DYNC1I1: variants seen among roughly 807,000 people sequenced by gnomAD.
DYNC1I1 encodes the protein cytoplasmic dynein 1 intermediate chain 1.
DYNC1I1 carries 43 observed loss-of-function variants against 86.6 expected under a neutral mutation model. That is an observed-to-expected ratio of 0.50 (90% confidence interval 0.39 to 0.64). DYNC1I1 has a LOEUF of 0.64. DYNC1I1 is among the 30% of genes least tolerant of loss of function. The pLI is 0.00. For synonymous variants in DYNC1I1, 262 were observed against 283.7 expected (o/e 0.92, Z 0.77); for missense variants, 604 against 788.8 (o/e 0.77, Z 2.81).
intron 6 of DYNC1I1, among the ~76,000 whole-genome samples, chr7:95,896,475 C>T (rs944269968): frequency 1.3e-5 from 2 of 152,168 alleles, no homozygotes; most frequent in African/African-American, 2.4e-5. Context: ...CATTGAATCC[C>T]CTCAGCAACT....
At chr7:95,900,943 GA>G (rs1183072673) in intron 6 of DYNC1I1, among the ~76,000 whole-genome samples, 1 of 152,114 alleles carries the variant, frequency 6.6e-6, no homozygotes, top group East Asian at 1.9e-4. Flanking sequence ...AATGGAATAA[GA>G]AGAAAATATT....
intron 14 of DYNC1I1, among the ~76,000 whole-genome samples, chr7:96,046,391 A>G (rs1789216351): frequency 6.6e-6 from 1 of 152,222 alleles, no homozygotes; most frequent in Non-Finnish European, 1.5e-5. Context: ...AGGTCATACT[A>G]TGTACTAGGC....
At chr7:95,869,834 T>C in intron 5 of DYNC1I1, 49 bp from the exon 6 acceptor site, 1 of 1,542,462 alleles carries the variant, frequency 6.5e-7, no homozygotes, top group African/African-American at 1.4e-5. Context: ...ATAGCTCTTC[T>C]GCAAGGAATG....
At chr7:96,039,682 A>ACCTACC (rs1788976586) in intron 14 of DYNC1I1, among the ~76,000 whole-genome samples, 1 of 152,046 alleles carries the variant, frequency 6.6e-6, no homozygotes, top group Non-Finnish European at 1.5e-5. Flanking sequence ...GTCCTCCTCT[A>ACCTACC]CCTACCCCAA....
intron 6 of DYNC1I1, among the ~76,000 whole-genome samples, chr7:95,950,539 T>C (rs1792524677): frequency 6.6e-6 from 1 of 152,236 alleles, no homozygotes; most frequent in African/African-American, 2.4e-5. Flanking sequence ...AAGAAGAAGT[T>C]ATATTGCCAG....
intron 14 of DYNC1I1, among the ~76,000 whole-genome samples, chr7:96,044,186 T>C (rs932061394): frequency 6.6e-6 from 1 of 152,218 alleles, no homozygotes; most frequent in African/African-American, 2.4e-5. Flanking sequence ...GGATGATTGA[T>C]ATTAGTCTCT....
chr7:95,814,524 A>G (rs1794904377), intron 4 of DYNC1I1, among the ~76,000 whole-genome samples: 1 of 152,008 alleles, frequency 6.6e-6, no homozygotes, highest in Non-Finnish European at 1.5e-5. Flanking sequence ...AAAATTTTGC[A>G]TTTTTCTCTT....
At chr7:95,983,932 G>T (rs1024236589) in intron 7 of DYNC1I1, among the ~76,000 whole-genome samples, 2 of 152,126 alleles carry the variant, frequency 1.3e-5, no homozygotes, top group African/African-American at 4.8e-5. Context: ...GAACCACAAA[G>T]GTTCAGCTGA....
intron 10 of DYNC1I1, among the ~76,000 whole-genome samples, chr7:96,022,856 C>A (rs936647609): frequency 6.6e-6 from 1 of 151,518 alleles, no homozygotes; most frequent in Non-Finnish European, 1.5e-5. Context: ...GGTGACAGAG[C>A]AAGACCTTGT....
chr7:95,961,055 T>G (rs1272513856), intron 6 of DYNC1I1, among the ~76,000 whole-genome samples: 1 of 152,214 alleles, frequency 6.6e-6, no homozygotes, highest in Admixed American at 6.5e-5. Flanking sequence ...CAGAAAAATT[T>G]GGATTAGAAG....
chr7:95,987,140 G>C lies in DYNC1I1; in HGVS notation c.828G>C (p.Met276Ile). The change falls in exon 9 of 17, where the codon ATG becomes ATC. Residue 276 changes from methionine to isoleucine, a missense_variant. Physicochemically the swap from Met to Ile is conservative, Grantham distance 10. Coordinates refer to ENST00000447467, the MANE Select transcript of DYNC1I1 (RefSeq NM_001135556.2). ...HWSKHRVVTCMDWSLQYPELM... is the reference protein window; with the variant it reads ...HWSKHRVVTCIDWSLQYPELM... ...CCAAGCATCGAGTGGTCACTTGTATGGACTGGTCCCTCCAGGTAAGAATTA... is the reference window on the plus strand; with the variant it reads ...CCAAGCATCGAGTGGTCACTTGTATCGACTGGTCCCTCCAGGTAAGAATTA... 6.2e-7 allele frequency: 1 copy of C among 1,613,832 alleles called. No homozygotes were observed. The highest frequency in any genetic ancestry group is 8.5e-7 in the Non-Finnish European group (1 of 1,179,824).
chr7:95,886,870 A>G (rs954533116), intron 6 of DYNC1I1, among the ~76,000 whole-genome samples: 13 of 152,230 alleles, frequency 8.5e-5, no homozygotes, highest in Admixed American at 2.6e-4. Context: ...TTCTGTTTCC[A>G]TGGTAACTAG....
At chr7:95,921,953 A>G (rs1791621426) in intron 6 of DYNC1I1, among the ~76,000 whole-genome samples, 1 of 152,176 alleles carries the variant, frequency 6.6e-6, no homozygotes, top group African/African-American at 2.4e-5. Flanking sequence ...ATTTTACTTC[A>G]TCTTTTAAAC....
intron 6 of DYNC1I1, among the ~76,000 whole-genome samples, chr7:95,944,662 G>A (rs1792343380): frequency 6.6e-6 from 1 of 151,944 alleles, no homozygotes; most frequent in Non-Finnish European, 1.5e-5. Flanking sequence ...AAGAAAATGT[G>A]GTACATATAC....
At chr7:96,107,699 T>G in intron 16 of DYNC1I1, among the ~76,000 whole-genome samples, 1 of 151,900 alleles carries the variant, frequency 6.6e-6, no homozygotes, top group Admixed American at 6.6e-5. Context: ...ACTCGGCTAA[T>G]TTTTGTATTT....
intron 4 of DYNC1I1, chr7:95,818,621 C>G (rs1181991039): frequency 1.8e-6 from 1 of 551,630 alleles, no homozygotes; most frequent in Admixed American, 2.8e-5. Context: ...GCTGAGATTA[C>G]AGGCAGGACC....
intron 14 of DYNC1I1, among the ~76,000 whole-genome samples, chr7:96,066,274 C>A (rs766827401): frequency 1.3e-5 from 2 of 152,164 alleles, no homozygotes; most frequent in Non-Finnish European, 2.9e-5. Context: ...TCTTTCAAGG[C>A]AGGTTCCCTC....
At chr7:95,959,418 AAGG>A (rs1792803995) in intron 6 of DYNC1I1, among the ~76,000 whole-genome samples, 1 of 152,190 alleles carries the variant, frequency 6.6e-6, no homozygotes, top group Admixed American at 6.5e-5. Context: ...TCAGTAGGTT[AAGG>A]AGGAGAACGG....
chr7:95,966,058 T>A (rs1427046407), intron 6 of DYNC1I1, among the ~76,000 whole-genome samples: 2 of 152,162 alleles, frequency 1.3e-5, no homozygotes, highest in Non-Finnish European at 2.9e-5. Context: ...TCCTGATGGG[T>A]GACCATGTGT....
Sources: gnomAD v4.1 joint callset for allele counts (sites outside exome capture counted in the v4.1 genomes callset) on GRCh38, gnomAD v4.1.1 for gene constraint, MANE v1.5 for transcripts, NCBI Gene and HGNC (gene_info 2026-07-23, HGNC 2026-07-21) for gene names.